Variants in PCDH9 observed in about 807,000 individuals in gnomAD.
PCDH9 encodes the protein protocadherin-9.
Under a neutral mutation model 70.6 loss-of-function variants are expected in PCDH9, and 24 were observed. The observed-to-expected ratio is 0.34, with a 90% CI of 0.25 to 0.48. The LOEUF is 0.48. Ranked by LOEUF, PCDH9 falls within the 20% of genes least tolerant of loss-of-function variation. The probability of loss-of-function intolerance (pLI) is 0.99; values close to 1 mark genes in which losing one functional copy is unlikely to be tolerated. For missense variants in PCDH9, 1,281 were observed against 1,503.6 expected (o/e 0.85, Z 2.45); for synonymous variants, 562 against 558.5 (o/e 1.01, Z -0.09).
intron 2 of PCDH9, chr13:66,977,390 G>A (rs1594337652): frequency 6.6e-6 from 1 of 152,118 alleles, no homozygotes. Flanking sequence ...GCAGGATAAC[G>A]TGGTAGTGCC....
intron 2 of PCDH9, among the ~76,000 whole-genome samples, chr13:67,128,303 A>T (rs957214914): frequency 2.0e-5 from 3 of 152,192 alleles, no homozygotes; most frequent in Non-Finnish European, 4.4e-5. Flanking sequence ...ACCCCCAGAC[A>T]TGTCAATCAA....
At chr13:66,735,722 G>C (rs7320414) in intron 3 of PCDH9, among the ~76,000 whole-genome samples, 2,225 of 152,234 alleles carry the variant, frequency 0.015, 64 homozygotes, top group African/African-American at 0.051. Context: ...CCAGCACTTT[G>C]GGAGGGTGAG....
intron 3 of PCDH9, among the ~76,000 whole-genome samples, chr13:66,677,696 T>C (rs2078262758): frequency 6.6e-6 from 1 of 152,112 alleles, no homozygotes; most frequent in Non-Finnish European, 1.5e-5. Context: ...TCCCCTCACC[T>C]TCTGCCATGA....
intron 3 of PCDH9, among the ~76,000 whole-genome samples, chr13:66,850,358 A>C (rs1407797270): frequency 6.6e-6 from 1 of 152,112 alleles, no homozygotes; most frequent in African/African-American, 2.4e-5. Context: ...ATCTCTACTA[A>C]AAATGCAGAA....
chr13:66,620,306 A>C (rs1275494544), intron 4 of PCDH9, among the ~76,000 whole-genome samples: 1 of 152,202 alleles, frequency 6.6e-6, no homozygotes, highest in African/African-American at 2.4e-5. Context: ...AATTTTTATA[A>C]GAATATTTTC....
At chr13:66,645,947 GA>G (rs1294766959) in intron 3 of PCDH9, among the ~76,000 whole-genome samples, 1 of 152,170 alleles carries the variant, frequency 6.6e-6, no homozygotes, top group Admixed American at 6.5e-5. Context: ...AGCAGGACAT[GA>G]AGGGCCACTT....
At chr13:66,849,517 T>TATATATATATATATATAGAGAGAGAG in intron 3 of PCDH9, among the ~76,000 whole-genome samples, 1 of 63,578 alleles carries the variant, frequency 1.6e-5, no homozygotes, top group African/African-American at 8.3e-5. Flanking sequence ...TATATATATA[T>TATATATATATATATATAGAGAGAGAG]AGAGAGAGAG....
chr13:66,919,578 C>T (rs901996260), intron 2 of PCDH9, among the ~76,000 whole-genome samples: 1 of 151,116 alleles, frequency 6.6e-6, no homozygotes, highest in Non-Finnish European at 1.5e-5. Context: ...CATAGAGCTA[C>T]AAAAATTTGC....
chr13:66,466,902 T>C (rs1202320983), intron 4 of PCDH9, among the ~76,000 whole-genome samples: 2 of 152,034 alleles, frequency 1.3e-5, no homozygotes, highest in African/African-American at 4.8e-5. Flanking sequence ...TGCTTGCAGT[T>C]TTCACAATTT....
intron 4 of PCDH9, among the ~76,000 whole-genome samples, chr13:66,542,088 G>T (rs934977432): frequency 1.1e-4 from 17 of 152,134 alleles, no homozygotes; most frequent in Admixed American, 3.3e-4. Flanking sequence ...CAGATGAGAA[G>T]CCTTTAAAGG....
intron 2 of PCDH9, chr13:67,214,905 A>AT (rs2089554149): frequency 8.5e-6 from 1 of 117,452 alleles, no homozygotes; most frequent in Non-Finnish European, 1.8e-5. Flanking sequence ...AACAGGTAAC[A>AT]TTTTCTGAGT....
chr13:66,524,709 C>T (rs12870336), intron 4 of PCDH9, among the ~76,000 whole-genome samples: 36,789 of 151,934 alleles, frequency 0.24, 4,864 homozygotes, highest in East Asian at 0.34. Flanking sequence ...TAATTCAGCA[C>T]TCGTTGAGGA....
intron 2 of PCDH9, among the ~76,000 whole-genome samples, chr13:67,159,130 TC>T (rs1308813721): frequency 2.0e-5 from 3 of 152,132 alleles, no homozygotes; most frequent in Non-Finnish European, 4.4e-5. Context: ...TTCTTTGAGA[TC>T]CTGCAACTGG....
At chr13:66,937,888 T>C (rs2082943094) in intron 2 of PCDH9, among the ~76,000 whole-genome samples, 1 of 152,152 alleles carries the variant, frequency 6.6e-6, no homozygotes, top group African/African-American at 2.4e-5. Flanking sequence ...GAATCTGCTG[T>C]CATTCTGGGG....
At chr13:66,675,477 C>A (rs1321077732) in intron 3 of PCDH9, among the ~76,000 whole-genome samples, 1 of 152,078 alleles carries the variant, frequency 6.6e-6, no homozygotes, top group Non-Finnish European at 1.5e-5. Flanking sequence ...ATAGACGCTG[C>A]TATGTCTCCT....
intron 2 of PCDH9, among the ~76,000 whole-genome samples, chr13:67,128,938 TG>T (rs1316270797): frequency 6.6e-6 from 1 of 152,178 alleles, no homozygotes; most frequent in Non-Finnish European, 1.5e-5. Context: ...AAGTTTGAGC[TG>T]GGTCTATTTA....
chr13:66,798,084 G>A (rs1291933663), intron 3 of PCDH9, among the ~76,000 whole-genome samples: 1 of 151,956 alleles, frequency 6.6e-6, no homozygotes, highest in Non-Finnish European at 1.5e-5. Context: ...GATAAAAAGA[G>A]AGAAGAAAGT....
chr13:66,486,755 A>G (rs1594054377), intron 4 of PCDH9, among the ~76,000 whole-genome samples: 1 of 152,172 alleles, frequency 6.6e-6, no homozygotes, highest in African/African-American at 2.4e-5. Context: ...TTTAAGGTTA[A>G]CCACACTGTA....
chr13:66,455,394 C>A (rs1388757358), intron 4 of PCDH9, among the ~76,000 whole-genome samples: 1 of 151,760 alleles, frequency 6.6e-6, no homozygotes, highest in Non-Finnish European at 1.5e-5. Context: ...AGTTTTTGGT[C>A]ATTTTTTAGA....
Sources: gnomAD v4.1 joint callset for allele counts (sites outside exome capture counted in the v4.1 genomes callset) on GRCh38, gnomAD v4.1.1 for gene constraint, MANE v1.5 for transcripts, NCBI Gene and HGNC (gene_info 2026-07-23, HGNC 2026-07-21) for gene names.